The following SIPA1L1 variants were observed in gnomAD, a reference collection of about 807,000 sequenced individuals.
SIPA1L1 encodes signal induced proliferation associated 1 like 1.
Under a neutral mutation model 162.7 loss-of-function variants are expected in SIPA1L1, and 26 were observed. The ratio of observed to expected loss-of-function variants is 0.16; its 90% confidence interval spans 0.12 to 0.22. The LOEUF is 0.22. Ranked by LOEUF, SIPA1L1 falls within the 10% of genes least tolerant of loss-of-function variation. SIPA1L1 has a pLI of 1.00. For synonymous variants in SIPA1L1, 829 were observed against 837.4 expected, an observed-to-expected ratio of 0.99 and a Z score of 0.17; for missense variants, 1,874 against 2,241.0, an observed-to-expected ratio of 0.84 and a Z score of 3.31.
intron 2 of SIPA1L1, among the ~76,000 whole-genome samples, chr14:71,506,502 G>T (rs1379900203): frequency 1.3e-5 from 2 of 152,016 alleles, no homozygotes; most frequent in Non-Finnish European, 2.9e-5. Flanking sequence ...CACCACACCT[G>T]GCTAATTTTT....
In SIPA1L1 at chr14:71,330,231, C is replaced by G. The variant is rs1163816691; in HGVS notation, c.-465+9050C>G. ...TTGGTTAGCTGTCTCCCCATCCTCC[C>G]AACTCCACTATTCCAGGGAGGGGCT... is the stretch of plus-strand genomic sequence containing the variant. On this transcript the variant is annotated intron_variant, in intron 2 of 23. Coordinates refer to ENST00000381232, the MANE Select transcript of SIPA1L1 (RefSeq NM_001386936.1). 14 of 648,100 alleles carry G rather than the reference C, an allele frequency of 2.2e-5. No homozygotes were observed. In the East Asian group the frequency reaches 3.9e-4, roughly 18 times the overall value. 40.1% of individuals were successfully genotyped at this position (648,100 alleles called of 1,614,324 possible).
chr14:71,698,672 T>C (rs1044902745), intron 13 of SIPA1L1, among the ~76,000 whole-genome samples: 9 of 152,368 alleles, frequency 5.9e-5, no homozygotes, highest in African/African-American at 1.9e-4. Flanking sequence ...TCTGCCATAC[T>C]AGGAAACTGC....
chr14:71,389,336 ATT>A (rs1289378584), intron 2 of SIPA1L1, among the ~76,000 whole-genome samples: 2 of 152,182 alleles, frequency 1.3e-5, no homozygotes, highest in Non-Finnish European at 2.9e-5. Context: ...TGGGTAATAG[ATT>A]TAACTAACTG....
At chr14:71,545,709 G>A (rs2055126678) in intron 4 of SIPA1L1, among the ~76,000 whole-genome samples, 1 of 152,072 alleles carries the variant, frequency 6.6e-6, no homozygotes, top group African/African-American at 2.4e-5. Flanking sequence ...CATCGAACTA[G>A]CTAGAACTTG....
chr14:71,428,804 C>T (rs1270368016), intron 2 of SIPA1L1, among the ~76,000 whole-genome samples: 1 of 152,218 alleles, frequency 6.6e-6, no homozygotes, highest in African/African-American at 2.4e-5. Flanking sequence ...TGGCTCTTGC[C>T]AGCTGTGTGC....
At chr14:71,692,520 C>T (rs543301553) in intron 13 of SIPA1L1, among the ~76,000 whole-genome samples, 4 of 152,306 alleles carry the variant, frequency 2.6e-5, no homozygotes, top group South Asian at 2.1e-4. Context: ...CAGGAAACAG[C>T]GTACTCTGGC....
At chr14:71,734,213 G>C (rs2085071826) in intron 21 of SIPA1L1, among the ~76,000 whole-genome samples, 1 of 152,240 alleles carries the variant, frequency 6.6e-6, no homozygotes, top group South Asian at 2.1e-4. Context: ...AATGTGGGGC[G>C]CCCCCTTTGC....
intron 2 of SIPA1L1, among the ~76,000 whole-genome samples, chr14:71,426,955 A>G (rs1052221407): frequency 6.6e-6 from 1 of 152,254 alleles, no homozygotes; most frequent in African/African-American, 2.4e-5. Flanking sequence ...TTCTTAAACC[A>G]TGTAGAAAAC....
intron 7 of SIPA1L1, among the ~76,000 whole-genome samples, chr14:71,647,919 A>G (rs994880250): frequency 8.5e-5 from 13 of 152,130 alleles, no homozygotes; most frequent in African/African-American, 2.7e-4. Flanking sequence ...TATGTGTGCT[A>G]TACAAAAATG....
intron 4 of SIPA1L1, among the ~76,000 whole-genome samples, chr14:71,563,673 A>T (rs568990539): frequency 6.6e-6 from 1 of 152,284 alleles, no homozygotes; most frequent in East Asian, 1.9e-4. Context: ...GTGGATTTCA[A>T]TTCATTCCTT....
chr14:71,624,362 T>G lies in SIPA1L1; in HGVS notation c.1818+126T>G, dbSNP rs1187765304. On this transcript the variant is annotated intron_variant, in intron 7 of 23. Coordinates refer to ENST00000381232, the MANE Select transcript of SIPA1L1 (RefSeq NM_001386936.1). Reference sequence around the variant, plus strand: ...ACTTTTTATTGTGAAAGACACTCTCTTTGCAATTACTCATTTTGTTTTTTC... The same window carrying G: ...ACTTTTTATTGTGAAAGACACTCTCGTTGCAATTACTCATTTTGTTTTTTC... 5 of 767,358 alleles carry G rather than the reference T, an allele frequency of 6.5e-6. No homozygotes were observed. The African/African-American group carries it at 8.8e-5, about 14-fold the overall frequency. The allele number at this position is 767,358 out of a possible 1,614,324, so 47.5% of individuals were successfully genotyped here.
At chr14:71,710,646 A>G (rs1027907909) in intron 17 of SIPA1L1, among the ~76,000 whole-genome samples, 1 of 152,062 alleles carries the variant, frequency 6.6e-6, no homozygotes, top group Non-Finnish European at 1.5e-5. Flanking sequence ...CGTCTCTACT[A>G]AAAGTACAGA....
At chr14:71,530,757 T>G (rs1016335432) in intron 4 of SIPA1L1, among the ~76,000 whole-genome samples, 4 of 152,264 alleles carry the variant, frequency 2.6e-5, no homozygotes, top group Admixed American at 2.0e-4. Flanking sequence ...ATCCTGGTTT[T>G]GGTCTTTATT....
chr14:71,390,288 A>C (rs1473912759), intron 2 of SIPA1L1, among the ~76,000 whole-genome samples: 1 of 152,240 alleles, frequency 6.6e-6, no homozygotes, highest in Admixed American at 6.5e-5. Context: ...AAGAAAATAC[A>C]AATCACCAGT....
chr14:71,420,833 T>C (rs973386110), intron 2 of SIPA1L1, among the ~76,000 whole-genome samples: 2 of 152,186 alleles, frequency 1.3e-5, no homozygotes, highest in African/African-American at 4.8e-5. Flanking sequence ...ATAGCAGCAA[T>C]GTCATCACCA....
At chr14:71,547,289 T>A (rs10129301) in intron 4 of SIPA1L1, among the ~76,000 whole-genome samples, 12 of 146,834 alleles carry the variant, frequency 8.2e-5, no homozygotes, top group South Asian at 6.5e-4. Context: ...AATATGAAAA[T>A]AACTTTTTTT....
At chr14:71,652,475 G>C (rs1172556686) in intron 8 of SIPA1L1, among the ~76,000 whole-genome samples, 1 of 152,118 alleles carries the variant, frequency 6.6e-6, no homozygotes, top group Non-Finnish European at 1.5e-5. Context: ...GATGTCACTT[G>C]AATCTATGGG....
chr14:71,672,585 G>T lies in SIPA1L1; in HGVS notation c.3067G>T (p.Val1023Phe). 6.2e-7 allele frequency: 1 copy of T among 1,614,210 alleles called. No individual in the cohort carries two copies. Among genetic ancestry groups the T allele is most frequent in the Non-Finnish European group, 8.5e-7 (1 of 1,180,026 alleles). Residue 1023 changes from valine (V) to phenylalanine (F), a missense_variant, in exon 12 of 24, where the codon GTC (valine) becomes TTC (phenylalanine). Val to Phe is a conservative substitution (Grantham distance 50). Transcript: ENST00000381232. Reference sequence around the variant, plus strand: ...GAGAACATCTGTCACGGTGAAGGTTGTCATCATTCCCCCGCATGATGACTG... The same window carrying T: ...GAGAACATCTGTCACGGTGAAGGTTTTCATCATTCCCCCGCATGATGACTG... The part of the protein sequence containing the change: ...LLRTSVTVKV[V>F]IIPPHDDCTP...
intron 2 of SIPA1L1, among the ~76,000 whole-genome samples, chr14:71,344,470 A>G (rs1055069993): frequency 6.6e-6 from 1 of 152,158 alleles, no homozygotes; most frequent in Admixed American, 6.5e-5. Context: ...CCTGACATAT[A>G]GTAGATGTCC....
Sources: gnomAD v4.1 joint callset for allele counts (sites outside exome capture counted in the v4.1 genomes callset) on GRCh38, gnomAD v4.1.1 for gene constraint, MANE v1.5 for transcripts, NCBI Gene and HGNC (gene_info 2026-07-23, HGNC 2026-07-21) for gene names.